TXN2: variants seen among roughly 807,000 people sequenced by gnomAD.
TXN2 encodes the protein thioredoxin 2, also known as thioredoxin, mitochondrial.
A neutral mutation model predicts 14.6 loss-of-function variants in TXN2; 12 were observed. The observed-to-expected ratio is 0.82, with a 90% CI of 0.53 to 1.33. The LOEUF is 1.33. Among genes scored for constraint, TXN2 ranks in the 40% most tolerant of loss-of-function variants. The pLI is 0.00. For missense variants in TXN2, 173 were observed against 207.7 expected, an observed-to-expected ratio of 0.83 and a Z score of 1.03; for synonymous variants, 89 against 81.0, an observed-to-expected ratio of 1.10 and a Z score of -0.53.
At chr22:36,469,241 T>A (rs1364167718) in intron 3 of TXN2, among the ~76,000 whole-genome samples, 1 of 152,094 alleles carries the variant, frequency 6.6e-6, no homozygotes, top group East Asian at 1.9e-4. Flanking sequence ...ATAACGCAAG[T>A]AAAGGCTCAG....
chr22:36,470,251 C>G (rs920596340), intron 3 of TXN2, among the ~76,000 whole-genome samples: 1 of 152,234 alleles, frequency 6.6e-6, no homozygotes, highest in African/African-American at 2.4e-5. Flanking sequence ...GGGACAAACA[C>G]AGCAGGTCAC....
At chr22:36,470,843 C>T (rs1288722384) in intron 3 of TXN2, among the ~76,000 whole-genome samples, 1 of 151,846 alleles carries the variant, frequency 6.6e-6, no homozygotes, top group Admixed American at 6.6e-5. Context: ...TAAACCTCCA[C>T]ACATGCTTGA....
intron 3 of TXN2, among the ~76,000 whole-genome samples, chr22:36,475,411 C>T (rs1273095575): frequency 1.3e-5 from 2 of 152,212 alleles, no homozygotes; most frequent in African/African-American, 4.8e-5. Flanking sequence ...ATACGCAGTA[C>T]TCCCATCCTC....
At chr22:36,479,962 CAA>C (rs1318288822) in intron 2 of TXN2, among the ~76,000 whole-genome samples, 1 of 151,314 alleles carries the variant, frequency 6.6e-6, no homozygotes, top group Non-Finnish European at 1.5e-5. Context: ...CAGCTCACTA[CAA>C]ACACTACCTC....
intron 1 of TXN2, chr22:36,481,347 G>C (rs1420206643): frequency 6.4e-6 from 1 of 155,334 alleles, no homozygotes; most frequent in Non-Finnish European, 1.5e-5. Flanking sequence ...AACTAAGAGT[G>C]TGAGAGGAAC....
chr22:36,480,130 G>A (rs1440905423), intron 2 of TXN2, among the ~76,000 whole-genome samples: 1 of 152,122 alleles, frequency 6.6e-6, no homozygotes, highest in Non-Finnish European at 1.5e-5. Context: ...TGATCTGCCC[G>A]CCTTGGCCTC....
At chr22:36,479,088 C>A (rs1269897132) in intron 2 of TXN2, among the ~76,000 whole-genome samples, 3 of 152,108 alleles carry the variant, frequency 2.0e-5, no homozygotes, top group Admixed American at 2.0e-4. Context: ...GATCGCACCA[C>A]TGCACTCTAC....
intron 3 of TXN2, among the ~76,000 whole-genome samples, chr22:36,469,338 A>G (rs5995291): frequency 0.17 from 26,302 of 152,204 alleles, 3,084 homozygotes; most frequent in African/African-American, 0.33. Flanking sequence ...CAGAGGGCAC[A>G]AGGAAAAGTC....
At chr22:36,476,997 A>C in intron 2 of TXN2, 141 bp from the exon 3 acceptor site, 11 of 1,369,410 alleles carry the variant, frequency 8.0e-6, no homozygotes, top group Non-Finnish European at 1.1e-5. Context: ...AACACACCAA[A>C]TGGTAATGCC....
At chr22:36,471,566 G>T (rs945445678) in intron 3 of TXN2, among the ~76,000 whole-genome samples, 3 of 152,192 alleles carry the variant, frequency 2.0e-5, no homozygotes, top group Non-Finnish European at 4.4e-5. Context: ...TTTCGTGTCA[G>T]GAATGATATA....
chr22:36,478,354 T>A (rs1017260137), intron 2 of TXN2, among the ~76,000 whole-genome samples: 5 of 152,056 alleles, frequency 3.3e-5, no homozygotes, highest in Non-Finnish European at 5.9e-5. Context: ...CCCACTTCCT[T>A]ACTGAACAAA....
chr22:36,477,454 T>C (rs1177516586), intron 2 of TXN2, among the ~76,000 whole-genome samples: 1 of 152,162 alleles, frequency 6.6e-6, no homozygotes, highest in Non-Finnish European at 1.5e-5. Context: ...GTGATCCGCC[T>C]GTCTCGGCCT....
chr22:36,475,588 C>G (rs150391669), intron 3 of TXN2, among the ~76,000 whole-genome samples: 6 of 152,302 alleles, frequency 3.9e-5, no homozygotes, highest in African/African-American at 1.4e-4. Context: ...CTTTCGGCTA[C>G]GAGCCCAGCT....
intron 2 of TXN2, among the ~76,000 whole-genome samples, chr22:36,479,334 CT>C (rs773194867): frequency 0.014 from 1,889 of 139,278 alleles, 12 homozygotes; most frequent in East Asian, 0.042. Context: ...ATTTCTTTTT[CT>C]TTTTTTTTTT....
chr22:36,480,508 A>G, intron 2 of TXN2, 67 bp downstream of exon 2: 1 of 1,567,474 alleles, frequency 6.4e-7, no homozygotes, highest in Non-Finnish European at 8.7e-7. Flanking sequence ...GCCGTGGGAC[A>G]CAGCAGGCAT....
At chr22:36,476,927 C>T in intron 2 of TXN2, 71 bp from the exon 3 acceptor site, 1 of 1,590,322 alleles carries the variant, frequency 6.3e-7, no homozygotes, top group South Asian at 1.1e-5. Flanking sequence ...GCTTCCCAGA[C>T]CTGCATCTTT....
intron 3 of TXN2, among the ~76,000 whole-genome samples, chr22:36,470,181 C>T (rs191481389): frequency 6.7e-4 from 102 of 152,290 alleles, no homozygotes; most frequent in Middle Eastern, 6.8e-3. Context: ...CAGACCATCC[C>T]GCCCTCACCC....
chr22:36,472,188 T>C (rs986364671), intron 3 of TXN2, among the ~76,000 whole-genome samples: 3 of 152,144 alleles, frequency 2.0e-5, no homozygotes, highest in African/African-American at 7.2e-5. Flanking sequence ...GAGAGGGTTC[T>C]TGGAAAAACG....
Position 36,476,786 on chromosome 22 carries a change from C to A in TXN2, c.334G>T (p.Val112Leu). Reference protein sequence around the residue: ...KMVAKQHGKVVMAKVDIDDHT... With the variant: ...KMVAKQHGKVLMAKVDIDDHT... The stretch of plus-strand genomic sequence containing the variant: ...TCATCAATATCCACCTTGGCCATCA[C>A]CACCTTCCCGTGCTGCTTGGCCACC... The change falls in exon 3 of 4, where the codon GTG (valine) becomes TTG (leucine). Residue 112 changes from valine to leucine, a missense_variant. Coordinates refer to ENST00000216185, the MANE Select transcript of TXN2 (RefSeq NM_012473.4). 6.2e-7 allele frequency: 1 copy of A among 1,614,168 alleles called. No homozygotes were observed. Among genetic ancestry groups the A allele is most frequent in the Non-Finnish European group, 8.5e-7 (1 of 1,180,034 alleles).
Sources: allele counts gnomAD v4.1 joint callset (sites outside exome capture counted in the v4.1 genomes callset), GRCh38; gene constraint gnomAD v4.1.1; transcripts MANE v1.5; gene names NCBI Gene and HGNC (gene_info 2026-07-23, HGNC 2026-07-21).